Variants in SCEL observed in about 807,000 individuals in gnomAD.
The protein encoded by SCEL is sciellin.
Under a neutral mutation model 117.6 loss-of-function variants are expected in SCEL, and 113 were observed. The observed-to-expected ratio is 0.96, with a 90% CI of 0.83 to 1.12. SCEL has a LOEUF of 1.12. Among genes scored for constraint, SCEL ranks in the 50% most tolerant of loss-of-function variants. SCEL has a pLI of 0.00. For synonymous variants in SCEL, 270 were observed against 256.2 expected (o/e 1.05, Z -0.51); for missense variants, 785 against 810.8 (o/e 0.97, Z 0.39).
intron 1 of SCEL, among the ~76,000 whole-genome samples, chr13:77,544,816 A>G (rs2083905696): frequency 6.6e-6 from 1 of 152,248 alleles, no homozygotes; most frequent in East Asian, 1.9e-4. Context: ...AAGAGCTACG[A>G]AAGTTGATTG....
At chr13:77,553,499 C>A (rs2084468341) in intron 1 of SCEL, among the ~76,000 whole-genome samples, 1 of 152,136 alleles carries the variant, frequency 6.6e-6, no homozygotes, top group South Asian at 2.1e-4. Flanking sequence ...AGTCCTGAGA[C>A]ACACTGCCAG....
At position 77,558,819 on chromosome 13, in the gene SCEL, C is replaced by CAAA. The variant is rs58052726; in HGVS notation, c.162-966_162-964dup. ...GGCGACAGAGCAAGACTCTGTCTTA[C>CAAA]AAAAAAAAAAAAAAAAAAAAAGGTA... On this transcript the variant is annotated intron_variant, in intron 3 of 32. Coordinates refer to ENST00000349847, the MANE Select transcript of SCEL (RefSeq NM_144777.3). Among the ~76,000 whole-genome samples the CAAA allele has an allele frequency of 2.2e-4, 20 of 89,698 alleles. 1 individual carries two copies. Among genetic ancestry groups the CAAA allele is most frequent in the Non-Finnish European group, 2.9e-4 (14 of 48,850 alleles). 58.8% of individuals were successfully genotyped at this position (89,698 alleles called of 152,430 possible). A position where few individuals can be genotyped will look rare whatever the true frequency, so the allele number is the denominator to read the frequency against.
At chr13:77,553,432 T>G (rs1268700038) in intron 1 of SCEL, among the ~76,000 whole-genome samples, 3 of 148,346 alleles carry the variant, frequency 2.0e-5, no homozygotes, top group Non-Finnish European at 3.0e-5. Context: ...CTTTATCGGC[T>G]AAGAGAAAAA....
intron 19 of SCEL, among the ~76,000 whole-genome samples, 163 bp from the exon 20 acceptor site, chr13:77,607,893 C>T (rs1309303082): frequency 6.6e-6 from 1 of 152,238 alleles, no homozygotes. Flanking sequence ...CTACATATTT[C>T]TGCATAGTCA....
At chr13:77,623,586 T>C (rs1320602656) in intron 27 of SCEL, 2 of 152,392 alleles carry the variant, frequency 1.3e-5, no homozygotes, top group East Asian at 3.9e-4. Flanking sequence ...GATTTGCAAC[T>C]GTACCACTTT....
At chr13:77,584,628 T>C (rs756581118) in intron 9 of SCEL, among the ~76,000 whole-genome samples, 2 of 152,226 alleles carry the variant, frequency 1.3e-5, no homozygotes, top group Non-Finnish European at 2.9e-5. Context: ...TAAGTAAAGC[T>C]TGGCACCATC....
intron 1 of SCEL, among the ~76,000 whole-genome samples, chr13:77,552,440 G>T (rs985710275): frequency 7.9e-5 from 12 of 151,956 alleles, no homozygotes; most frequent in African/African-American, 2.9e-4. Context: ...TTTCTCTGAT[G>T]GCCAGTGATA....
chr13:77,543,862 G>GT (rs1234464638), intron 1 of SCEL, among the ~76,000 whole-genome samples: 2 of 152,100 alleles, frequency 1.3e-5, no homozygotes, highest in East Asian at 1.9e-4. Context: ...GATAGGTACT[G>GT]TGCGTCAGGC....
In SCEL at chr13:77,589,235, G is replaced by T. The variant is rs373373787; in HGVS notation, c.626+11G>T. Reference sequence around the variant, plus strand: ...GAGACAGGATAATAGGTAAGACCTAGTACTCCAGAATTTCTTGACAAAATG... The same window carrying T: ...GAGACAGGATAATAGGTAAGACCTATTACTCCAGAATTTCTTGACAAAATG... On this transcript the variant is annotated intron_variant, in intron 10 of 32. Coordinates refer to ENST00000349847, the MANE Select transcript of SCEL (RefSeq NM_144777.3). The T allele has an allele frequency of 2.7e-5, 43 of 1,581,274 alleles. No homozygotes were observed. The highest frequency in any genetic ancestry group is 3.5e-5 in the Non-Finnish European group (40 of 1,151,918).
intron 28 of SCEL, among the ~76,000 whole-genome samples, chr13:77,628,428 CT>C (rs2089871721): frequency 6.6e-6 from 1 of 151,832 alleles, no homozygotes; most frequent in Non-Finnish European, 1.5e-5. Flanking sequence ...ATGCCTAGTG[CT>C]AAAAGAATGC....
intron 5 of SCEL, among the ~76,000 whole-genome samples, chr13:77,564,562 C>T (rs193278714): frequency 4.6e-5 from 7 of 152,104 alleles, no homozygotes; most frequent in African/African-American, 1.4e-4. Flanking sequence ...TTGGTAGAGG[C>T]GCTTAGTAAG....
intron 11 of SCEL, 94 bp downstream of exon 11, chr13:77,591,554 G>A (rs1366427434): frequency 1.9e-5 from 14 of 720,384 alleles, no homozygotes; most frequent in Non-Finnish European, 3.0e-5. Context: ...TAATAATAAG[G>A]TAGACAAAAT....
rs146288530 is a variant in SCEL at position 77,585,528 on chromosome 13, G to A, written c.546-3616G>A. On this transcript the variant is annotated intron_variant, in intron 9 of 32. Transcript: ENST00000349847. The stretch of plus-strand genomic sequence containing the variant: ...CTGTGTGGAAGCCAAGCATGTGCGC[G>A]CTCTTCTGGCTTCAATGTCACCATC... 9.1e-3 allele frequency among the ~76,000 whole-genome samples: 1,388 copies of A among 152,110 alleles called. 26 individuals carry two copies. The highest frequency in any genetic ancestry group is 0.03 in the African/African-American group (1,262 of 41,478).
rs188428548 is a variant in SCEL at position 77,548,975 on chromosome 13, A to G, written c.-19-6882A>G. ...TCCATTTGTCTGTTGATGGACACTT[A>G]GGTTGATTCAATATCTTTGTTATTG... is the stretch of plus-strand genomic sequence containing the variant. On this transcript the variant is annotated intron_variant, in intron 1 of 32. Transcript: ENST00000349847. 6.8e-3 allele frequency among the ~76,000 whole-genome samples: 1,039 copies of G among 152,232 alleles called. 4 individuals carry two copies. Among genetic ancestry groups the G allele is most frequent in the Non-Finnish European group, 0.01 (692 of 68,006 alleles).
At chr13:77,537,531 C>T (rs544266440) in intron 1 of SCEL, among the ~76,000 whole-genome samples, 10 of 152,268 alleles carry the variant, frequency 6.6e-5, no homozygotes, top group Admixed American at 3.3e-4. Flanking sequence ...CGTTTTCCAA[C>T]TTGTGGCTTA....
chr13:77,600,285 C>A (rs571102508), intron 15 of SCEL, among the ~76,000 whole-genome samples: 2 of 152,162 alleles, frequency 1.3e-5, no homozygotes, highest in East Asian at 1.9e-4. Flanking sequence ...CCCGCCACCA[C>A]GCCCAGCTAA....
intron 1 of SCEL, among the ~76,000 whole-genome samples, chr13:77,539,279 T>G (rs1177980279): frequency 2.7e-5 from 4 of 150,698 alleles, no homozygotes; most frequent in Non-Finnish European, 5.9e-5. Context: ...TATACATATT[T>G]TATAATATAC....
At chr13:77,620,060 A>G (rs1011030809) in intron 27 of SCEL, among the ~76,000 whole-genome samples, 1 of 152,216 alleles carries the variant, frequency 6.6e-6, no homozygotes, top group African/African-American at 2.4e-5. Flanking sequence ...TATGATTACT[A>G]TAAAAAAATT....
intron 5 of SCEL, among the ~76,000 whole-genome samples, 185 bp downstream of exon 5, chr13:77,564,084 C>T (rs1348018108): frequency 1.3e-5 from 2 of 151,888 alleles, no homozygotes; most frequent in South Asian, 4.1e-4. Context: ...TGGCTAGATG[C>T]ATTTCCAAAA....
Sources: gnomAD v4.1 joint callset for allele counts (sites outside exome capture counted in the v4.1 genomes callset) on GRCh38, gnomAD v4.1.1 for gene constraint, MANE v1.5 for transcripts, NCBI Gene and HGNC (gene_info 2026-07-23, HGNC 2026-07-21) for gene names.